The following FBXO46 variants were observed in gnomAD, a reference collection of about 807,000 sequenced individuals.
The protein encoded by FBXO46 is F-box protein 46.
FBXO46 carries 13 observed loss-of-function variants against 30.7 expected under a neutral mutation model. The ratio of observed to expected loss-of-function variants is 0.42; its 90% confidence interval spans 0.28 to 0.67. FBXO46 has a LOEUF of 0.67. Among genes scored for constraint, FBXO46 ranks in the 30% least tolerant of loss-of-function variants. FBXO46 has a pLI of 0.21. For missense variants in FBXO46, 754 were observed against 871.5 expected, an observed-to-expected ratio of 0.87 and a Z score of 1.70; for synonymous variants, 467 against 385.8, an observed-to-expected ratio of 1.21 and a Z score of -2.47.
At chr19:45,723,165 G>A (rs1195400157) in intron 1 of FBXO46, among the ~76,000 whole-genome samples, 1 of 152,078 alleles carries the variant, frequency 6.6e-6, no homozygotes, top group Non-Finnish European at 1.5e-5. Flanking sequence ...TTGAGCCTTG[G>A]AGATCAAGAC....
intron 1 of FBXO46, among the ~76,000 whole-genome samples, chr19:45,721,267 C>T (rs1968166713): frequency 6.6e-6 from 1 of 151,940 alleles, no homozygotes; most frequent in African/African-American, 2.4e-5. Flanking sequence ...ATCGCTTGAG[C>T]CCGGAAGTGG....
chr19:45,724,811 C>T (rs1255350783), intron 1 of FBXO46, among the ~76,000 whole-genome samples: 6 of 152,188 alleles, frequency 3.9e-5, no homozygotes, highest in South Asian at 2.1e-4. Context: ...CACGCCACCA[C>T]GCCTGGCTAA....
rs1968005273 is a variant in FBXO46, at chr19:45,712,582, G to C, written c.914C>G (p.Thr305Arg). The change falls in exon 2 of 2, where the codon ACA (threonine) becomes AGA (arginine). Residue 305 changes from threonine (T) to arginine (R), a missense_variant. Thr to Arg is a moderately conservative substitution (Grantham distance 71, BLOSUM62 -1). This residue lies in a region of FBXO46 where 454 missense variants were observed against 426.5 expected (regional missense o/e 1.06). Coordinates refer to ENST00000317683, the MANE Select transcript of FBXO46 (RefSeq NM_001080469.2). This position sits in a 1 kb window ranked among gnomAD's most constrained non-coding sequence, Gnocchi z 8.8. ...GCTGATGAGCTGGTATAAGTCACAT[G>C]TGATCTTGTCCTTGGCTCGGGCCCC... ...GPGARAKDKI[T>R]CDLYQLISPS... 6.3e-7 allele frequency: 1 copy of C among 1,592,784 alleles called. No individual in the cohort carries two copies. The highest frequency in any genetic ancestry group is 8.6e-7 in the Non-Finnish European group (1 of 1,168,920).
intron 1 of FBXO46, among the ~76,000 whole-genome samples, chr19:45,722,952 G>A (rs1413428476): frequency 2.0e-5 from 3 of 152,132 alleles, no homozygotes; most frequent in East Asian, 1.9e-4. Context: ...TACTCGGGAG[G>A]CAAAGGCAGG....
chr19:45,724,202 G>C (rs1288737715), intron 1 of FBXO46, among the ~76,000 whole-genome samples: 1 of 152,104 alleles, frequency 6.6e-6, no homozygotes, highest in Non-Finnish European at 1.5e-5. Flanking sequence ...TCACCCCAGG[G>C]TGGCCAGATG....
upstream of FBXO46, among the ~76,000 whole-genome samples, chr19:45,731,376 GCGC>G (rs1368249960): frequency 6.6e-6 from 1 of 150,390 alleles, no homozygotes; most frequent in African/African-American, 2.5e-5. Context: ...GAGTGCAGTG[GCGC>G]AATTTCGGCT....
chr19:45,730,456 C>A (rs1226274542), intron 1 of FBXO46, among the ~76,000 whole-genome samples: 1 of 152,012 alleles, frequency 6.6e-6, no homozygotes, highest in Non-Finnish European at 1.5e-5. Context: ...TTGCGTCCAC[C>A]GTTCGCCTGT....
At chr19:45,717,355 G>A (rs918786006) in intron 1 of FBXO46, 6 of 152,340 alleles carry the variant, frequency 3.9e-5, no homozygotes, top group Admixed American at 3.3e-4. Context: ...CCTTCCCTCC[G>A]GCCACCGCGC....
At position 45,712,479 on chromosome 19, in the gene FBXO46, C is replaced by G. The variant is rs189156046; in HGVS notation, c.1017G>C (p.Pro339=). ...GAGTGTCCTCAGGCCTGGCGGGTGC[C>G]GGGCTGTCACCCTCACTGGCCTCAT... The part of the protein sequence containing the change: ...RADEASEGDS[P]APARPEDTPP... Residue 339 remains proline, a synonymous_variant, in exon 2 of 2, where the codon CCG becomes CCC. Coordinates refer to ENST00000317683, the MANE Select transcript of FBXO46 (RefSeq NM_001080469.2). The surrounding 1 kb of genome is among the most constrained non-coding windows in gnomAD (Gnocchi z 8.8). 1.2e-6 allele frequency: 2 copies of G among 1,607,348 alleles called. No individual in the cohort carries two copies. Among genetic ancestry groups the G allele is most frequent in the South Asian group, 2.2e-5 (2 of 90,392 alleles).
chr19:45,728,104 T>C (rs1968263391), intron 1 of FBXO46, among the ~76,000 whole-genome samples: 1 of 152,176 alleles, frequency 6.6e-6, no homozygotes, highest in Non-Finnish European at 1.5e-5. Context: ...GCCCAGCTAA[T>C]AGAGATGGGG....
intron 1 of FBXO46, among the ~76,000 whole-genome samples, chr19:45,718,503 A>G (rs1261507532): frequency 3.3e-5 from 5 of 151,946 alleles, no homozygotes; most frequent in Non-Finnish European, 5.9e-5. Context: ...CTATTCCTCA[A>G]AGTTACCGGG....
chr19:45,713,705 C>A lies in FBXO46; in HGVS notation c.-78-132G>T, dbSNP rs921102665. 1.2e-5 allele frequency: 6 copies of A among 482,392 alleles called. No individual in the cohort carries two copies. The highest frequency in any genetic ancestry group is 9.8e-5 in the African/African-American group (5 of 51,018). The allele number at this position is 482,392 out of a possible 1,614,324, so 29.9% of individuals were successfully genotyped here. The stretch of plus-strand genomic sequence containing the variant: ...ATTCCTGGCTGGGCGCGGTGGCTCA[C>A]GCCTGTAATCCCAGCACTTTGGGAG... On this transcript the variant is annotated intron_variant, in intron 1 of 1. Coordinates refer to ENST00000317683, the MANE Select transcript of FBXO46 (RefSeq NM_001080469.2). The surrounding 1 kb of genome is among the most constrained non-coding windows in gnomAD (Gnocchi z 4.7).
chr19:45,712,658 T>C lies in FBXO46; in HGVS notation c.838A>G (p.Ser280Gly). 6.2e-7 allele frequency: 1 copy of C among 1,611,462 alleles called. No individual in the cohort carries two copies. The change falls in exon 2 of 2, where the codon AGT (serine) becomes GGT (glycine). Residue 280 changes from serine (S) to glycine (G), a missense_variant. Ser to Gly is a moderately conservative substitution (Grantham distance 56). Transcript: ENST00000317683. This position sits in a 1 kb window ranked among gnomAD's most constrained non-coding sequence, Gnocchi z 8.8. Reference sequence around the variant, plus strand: ...CAACCAGGCCTGCCCCCGCCCCCACTGGGCAGGCCGCTGTCTGGTGCACGG... The same window carrying C: ...CAACCAGGCCTGCCCCCGCCCCCACCGGGCAGGCCGCTGTCTGGTGCACGG... ...EPRAPDSGLPSGGGGRPGCAY... is the reference protein window; with the variant it reads ...EPRAPDSGLPGGGGGRPGCAY...
At chr19:45,718,656 G>A (rs1968132213) in intron 1 of FBXO46, among the ~76,000 whole-genome samples, 1 of 151,702 alleles carries the variant, frequency 6.6e-6, no homozygotes, top group Non-Finnish European at 1.5e-5. Flanking sequence ...TCCCTTCCTG[G>A]AAATCACCCA....
Position 45,712,338 on chromosome 19 carries a change from C to T in FBXO46, c.1158G>A (p.Lys386=), listed in dbSNP as rs1568544523. 2 of 1,601,756 alleles carry T rather than the reference C, an allele frequency of 1.2e-6. No homozygotes were observed. Among genetic ancestry groups the T allele is most frequent in the East Asian group, 2.2e-5 (1 of 44,860 alleles). ...ECIFFGKDGT[K]NVKEETVCLT... ...GGCACACAGTCTCCTCCTTCACGTT[C>T]TTGGTGCCGTCCTTGCCAAAGAAGA... Residue 386 remains lysine, a synonymous_variant, in exon 2 of 2, where the codon AAG becomes AAA. Transcript: ENST00000317683. This position sits in a 1 kb window ranked among gnomAD's most constrained non-coding sequence, Gnocchi z 8.8.
chr19:45,712,979 C>G lies in FBXO46; in HGVS notation c.517G>C (p.Ala173Pro). The part of the protein sequence containing the change: ...AGEDVDLLSV[A>P]EMVALVEQRA... Reference sequence around the variant, plus strand: ...TGTTCCACCAGGGCCACCATCTCGGCCACAGAGAGCAGGTCCACGTCCTCA... The same window carrying G: ...TGTTCCACCAGGGCCACCATCTCGGGCACAGAGAGCAGGTCCACGTCCTCA... The change falls in exon 2 of 2, where the codon GCC (alanine) becomes CCC (proline). Residue 173 changes from alanine (A) to proline (P), a missense_variant. Physicochemically the swap from Ala to Pro is conservative, Grantham distance 27. Around this residue, in one of 5 missense-constraint regions of FBXO46, gnomAD observed 454 missense variants for 426.5 expected, o/e 1.06. Transcript: ENST00000317683. The surrounding 1 kb of genome is among the most constrained non-coding windows in gnomAD (Gnocchi z 8.8). The G allele has an allele frequency of 1.3e-6, 2 of 1,576,598 alleles. No individual in the cohort carries two copies. Among genetic ancestry groups the G allele is most frequent in the Non-Finnish European group, 1.7e-6 (2 of 1,160,616 alleles).
At chr19:45,721,456 C>T (rs1968169262) in intron 1 of FBXO46, among the ~76,000 whole-genome samples, 1 of 152,118 alleles carries the variant, frequency 6.6e-6, no homozygotes, top group South Asian at 2.1e-4. Flanking sequence ...GACCCCGCTC[C>T]CCATCACAGG....
chr19:45,731,367 A>G (rs559007160), upstream of FBXO46, among the ~76,000 whole-genome samples: 1 of 142,256 alleles, frequency 7.0e-6, no homozygotes. Flanking sequence ...CCCAGGCTGG[A>G]GTGCAGTGGC....
At chr19:45,717,279 G>C (rs901285438) in intron 1 of FBXO46, 2 of 151,404 alleles carry the variant, frequency 1.3e-5, no homozygotes, top group African/African-American at 4.9e-5. Context: ...AGCCCCCCCA[G>C]GCGGCGGGAG....
Sources: allele counts gnomAD v4.1 joint callset (sites outside exome capture counted in the v4.1 genomes callset), GRCh38; gene constraint gnomAD v4.1.1; regional missense constraint gnomAD v4.1.1; non-coding constraint Gnocchi (gnomAD v3.1); transcripts MANE v1.5; gene names NCBI Gene and HGNC (gene_info 2026-07-23, HGNC 2026-07-21).